The following METTL15 variants were observed in gnomAD, a reference collection of about 807,000 sequenced individuals.
METTL15 encodes the protein 12S rRNA N(4)-cytidine methyltransferase METTL15.
METTL15 carries 34 observed loss-of-function variants against 38.3 expected under a neutral mutation model. That is an observed-to-expected ratio of 0.89 (90% CI 0.68 to 1.18). The LOEUF is 1.18. METTL15 is among the 50% of genes most tolerant of loss of function. The pLI is 0.00. For missense variants in METTL15, 438 were observed against 498.4 expected (o/e 0.88, Z 1.15); for synonymous variants, 162 against 170.9 (o/e 0.95, Z 0.41).
chr11:28,497,662 C>CAA (rs1851546967), intron 6 of METTL15, among the ~76,000 whole-genome samples: 1 of 152,186 alleles, frequency 6.6e-6, no homozygotes, highest in Non-Finnish European at 1.5e-5. Context: ...CTAATGAGGG[C>CAA]TTGGTGCCTG....
Position 28,113,380 on chromosome 11 carries a change from T to C in METTL15, c.46T>C (p.Ser16Pro), listed in dbSNP as rs1368244793. 1.3e-6 allele frequency: 2 copies of C among 1,594,100 alleles called. No individual in the cohort carries two copies. Among genetic ancestry groups the C allele is most frequent in the South Asian group, 1.1e-5 (1 of 88,174 alleles). ...YFCRMYKECL[S>P]CWLESGIPNL... ...TTGTAGAATGTATAAAGAATGCCTT[T>C]CATGTTGGTTGGAATCTGGCATACC... The change falls in exon 3 of 7, where the codon TCA becomes CCA. Residue 16 changes from serine (S) to proline (P), a missense_variant. By Grantham distance (74) the Ser-to-Pro change is moderately conservative (BLOSUM62 -1). Coordinates refer to ENST00000407364, the MANE Select transcript of METTL15 (RefSeq NM_001113528.2).
At chr11:28,376,614 A>G (rs894726159) in intron 5 of METTL15, among the ~76,000 whole-genome samples, 1 of 151,970 alleles carries the variant, frequency 6.6e-6, no homozygotes, top group Non-Finnish European at 1.5e-5. Context: ...TCTTTATCCA[A>G]TTTGCCAGTC....
intron 6 of METTL15, among the ~76,000 whole-genome samples, chr11:28,496,372 C>T (rs1018906153): frequency 2.0e-5 from 3 of 152,176 alleles, no homozygotes; most frequent in African/African-American, 7.2e-5. Flanking sequence ...CTCCATGTGG[C>T]CCCGCCCTGG....
chr11:28,261,764 C>G (rs1855211744), intron 4 of METTL15, among the ~76,000 whole-genome samples: 1 of 152,108 alleles, frequency 6.6e-6, no homozygotes. Flanking sequence ...ATCCATTTCT[C>G]TGATACACTG....
At chr11:28,173,041 G>A (rs1850915701) in intron 3 of METTL15, among the ~76,000 whole-genome samples, 1 of 152,080 alleles carries the variant, frequency 6.6e-6, no homozygotes, top group African/African-American at 2.4e-5. Context: ...GATAGTAACT[G>A]ATGAAAAGTC....
chr11:28,241,903 A>G (rs1279082586), intron 4 of METTL15, among the ~76,000 whole-genome samples: 1 of 152,200 alleles, frequency 6.6e-6, no homozygotes, highest in Non-Finnish European at 1.5e-5. Flanking sequence ...AGCTTTTTAG[A>G]CCATTGAATG....
intron 4 of METTL15, among the ~76,000 whole-genome samples, chr11:28,286,298 A>G (rs1026817263): frequency 5.9e-5 from 9 of 152,158 alleles, no homozygotes; most frequent in African/African-American, 2.2e-4. Context: ...TTGATTGTAG[A>G]TATTACACAT....
At chr11:28,376,184 C>T (rs529266455) in intron 5 of METTL15, among the ~76,000 whole-genome samples, 95 of 150,456 alleles carry the variant, frequency 6.3e-4, no homozygotes, top group Middle Eastern at 3.4e-3. Flanking sequence ...CTATTAGGTC[C>T]GCTTGGTGCA....
intron 4 of METTL15, among the ~76,000 whole-genome samples, chr11:28,214,002 T>G (rs1383664090): frequency 1.3e-5 from 2 of 152,112 alleles, no homozygotes; most frequent in African/African-American, 4.8e-5. Flanking sequence ...ATTTGGAAAG[T>G]TATTTCAGTT....
chr11:28,499,565 T>C (rs568635569), intron 6 of METTL15, among the ~76,000 whole-genome samples: 62 of 152,360 alleles, frequency 4.1e-4, no homozygotes, highest in Non-Finnish European at 7.3e-4. Context: ...TCTGAGATTC[T>C]TTCCATGGCT....
chr11:28,438,892 G>A (rs1263870214), intron 6 of METTL15, among the ~76,000 whole-genome samples: 2 of 151,780 alleles, frequency 1.3e-5, no homozygotes, highest in African/African-American at 2.4e-5. Flanking sequence ...GGCCAGGCTG[G>A]TCTCGAACCC....
chr11:28,109,054 C>A (rs1234638907), intron 1 of METTL15, among the ~76,000 whole-genome samples: 1 of 152,186 alleles, frequency 6.6e-6, no homozygotes, highest in Non-Finnish European at 1.5e-5. Context: ...GAATCAAACT[C>A]TTCCCTCTTG....
At chr11:28,395,902 T>G (rs1372902872) in intron 5 of METTL15, among the ~76,000 whole-genome samples, 1 of 152,078 alleles carries the variant, frequency 6.6e-6, no homozygotes, top group Non-Finnish European at 1.5e-5. Flanking sequence ...TCCACCATGA[T>G]CAAGTGGGCT....
At chr11:28,237,387 A>T (rs928230594) in intron 4 of METTL15, among the ~76,000 whole-genome samples, 4 of 152,024 alleles carry the variant, frequency 2.6e-5, no homozygotes, top group Non-Finnish European at 5.9e-5. Flanking sequence ...CTTCCAATTG[A>T]TCGCATTGGC....
At chr11:28,384,907 T>C (rs755551773) in intron 5 of METTL15, among the ~76,000 whole-genome samples, 2 of 152,224 alleles carry the variant, frequency 1.3e-5, no homozygotes, top group Non-Finnish European at 2.9e-5. Context: ...TGTTGAGCTC[T>C]TTTTCCCATG....
chr11:28,373,842 A>T lies in METTL15; in HGVS notation c.*358+11806A>T, dbSNP rs1438225258. 2.0e-5 allele frequency among the ~76,000 whole-genome samples: 3 copies of T among 152,108 alleles called. No individual in the cohort carries two copies. The South Asian group carries it at 6.2e-4, about 32-fold the overall frequency. On this transcript the variant is annotated intron_variant and NMD_transcript_variant, in intron 5 of 7. Transcript: ENST00000532947. ...TAATCCATCTTGAATCGATTTTTGTATAAGGTGTAAGGAAGGGATCCAGTT... is the reference window on the plus strand; with the variant it reads ...TAATCCATCTTGAATCGATTTTTGTTTAAGGTGTAAGGAAGGGATCCAGTT...
intron 5 of METTL15, among the ~76,000 whole-genome samples, chr11:28,396,414 A>C (rs997855362): frequency 6.6e-5 from 10 of 152,226 alleles, no homozygotes; most frequent in African/African-American, 2.4e-4. Flanking sequence ...TACAAAATCA[A>C]TGTGCAAAAA....
At chr11:28,391,877 C>T (rs566521187) in intron 5 of METTL15, among the ~76,000 whole-genome samples, 8 of 152,054 alleles carry the variant, frequency 5.3e-5, no homozygotes, top group Middle Eastern at 3.4e-3. Flanking sequence ...AGAAAACCTA[C>T]GCAATACCAT....
chr11:28,293,095 A>G (rs1856585547), intron 5 of METTL15, among the ~76,000 whole-genome samples: 1 of 152,076 alleles, frequency 6.6e-6, no homozygotes, highest in African/African-American at 2.4e-5. Context: ...TTTTGTTGCC[A>G]TTGCTTTTGG....
Sources: allele counts gnomAD v4.1 joint callset (sites outside exome capture counted in the v4.1 genomes callset), GRCh38; gene constraint gnomAD v4.1.1; transcripts MANE v1.5; gene names NCBI Gene and HGNC (gene_info 2026-07-23, HGNC 2026-07-21).